The following GPHN variants were observed in gnomAD, a reference collection of about 807,000 sequenced individuals.
GPHN encodes the protein gephyrin.
A neutral mutation model predicts 95.5 loss-of-function variants in GPHN; 17 were observed. That is an observed-to-expected ratio of 0.18 (90% CI 0.12 to 0.27). The LOEUF (loss-of-function observed/expected upper bound fraction) is 0.27, where lower values mean the gene tolerates loss of function less well. Among genes scored for constraint, GPHN ranks in the 10% least tolerant of loss-of-function variants. The probability of loss-of-function intolerance (pLI) is 1.00; values close to 1 mark genes in which losing one functional copy is unlikely to be tolerated. For synonymous variants in GPHN, 320 were observed against 322.5 expected (o/e 0.99, Z 0.08); for missense variants, 660 against 978.1 (o/e 0.67, Z 4.34).
At chr14:66,675,777 G>C (rs886239455) in intron 1 of GPHN, among the ~76,000 whole-genome samples, 1 of 152,012 alleles carries the variant, frequency 6.6e-6, no homozygotes, top group Non-Finnish European at 1.5e-5. Context: ...ATTTTGAGTT[G>C]ATTTTTGTGG....
In GPHN at chr14:66,774,164, G is replaced by A. The variant is rs370394706; in HGVS notation, c.144-2300G>A. Among the ~76,000 whole-genome samples, 84 of 151,436 alleles carry A rather than the reference G, an allele frequency of 5.5e-4. 3 individuals carry two copies. In the East Asian group the frequency reaches 0.015, roughly 27 times the overall value. On this transcript the variant is annotated intron_variant, in intron 2 of 22. Transcript: ENST00000478722. ...ACTGCAGGCGCCCACCACCACACCC[G>A]GCTACTTTTTTGTATTTTTAGTAGA... is the stretch of plus-strand genomic sequence containing the variant.
At chr14:67,513,910 G>C in the GPHN span, among the ~76,000 whole-genome samples, 1 of 152,222 alleles carries the variant, frequency 6.6e-6, no homozygotes, top group Non-Finnish European at 1.5e-5. Context: ...CTGGGGACCT[G>C]GAACCTGGCC....
At position 67,161,545 on chromosome 14, in the gene GPHN, G is replaced by A. The variant is rs572317014; in HGVS notation, c.1910+2057G>A. Among the ~76,000 whole-genome samples the A allele has an allele frequency of 2.7e-4, 41 of 152,178 alleles. No homozygotes were observed. In the South Asian group the frequency reaches 8.3e-3, roughly 31 times the overall value. On this transcript the variant is annotated intron_variant, in intron 19 of 22. Transcript: ENST00000478722. Reference sequence around the variant, plus strand: ...GGGAGGCCGTGGGGGTGGTTCGCTTGAGCCCGGAAGTTGGAGACCAACCTG... The same window carrying A: ...GGGAGGCCGTGGGGGTGGTTCGCTTAAGCCCGGAAGTTGGAGACCAACCTG...
chr14:66,939,875 C>T (rs577802775), intron 8 of GPHN, among the ~76,000 whole-genome samples: 2 of 152,280 alleles, frequency 1.3e-5, no homozygotes, highest in Admixed American at 1.3e-4. Flanking sequence ...CCTCCAGTTG[C>T]ATGACCGTTT....
the GPHN span, among the ~76,000 whole-genome samples, chr14:67,212,621 T>G: frequency 6.9e-6 from 1 of 145,308 alleles, no homozygotes; most frequent in Non-Finnish European, 1.5e-5. Context: ...ATATGTAATA[T>G]ATATTATATA....
chr14:67,342,564 T>TC, the GPHN span, among the ~76,000 whole-genome samples: 1 of 151,244 alleles, frequency 6.6e-6, no homozygotes, highest in Non-Finnish European at 1.5e-5. Flanking sequence ...ATCCTTTTTT[T>TC]TTTTTTTTTC....
At chr14:66,628,253 G>A (rs915057015) in intron 1 of GPHN, among the ~76,000 whole-genome samples, 2 of 152,134 alleles carry the variant, frequency 1.3e-5, no homozygotes, top group African/African-American at 4.8e-5. Context: ...GATGTGTTCT[G>A]AGAAATGCAT....
intron 10 of GPHN, among the ~76,000 whole-genome samples, chr14:67,058,212 C>T (rs1310817516): frequency 6.6e-6 from 1 of 152,092 alleles, no homozygotes; most frequent in East Asian, 1.9e-4. Context: ...AGTGTTCACC[C>T]ACAATTTGAA....
At chr14:67,689,534 C>T in the GPHN span, among the ~76,000 whole-genome samples, 1 of 152,158 alleles carries the variant, frequency 6.6e-6, no homozygotes, top group African/African-American at 2.4e-5. Context: ...TCAGGTCCTT[C>T]CCTCATACTC....
the GPHN span, among the ~76,000 whole-genome samples, chr14:67,662,189 A>C: frequency 6.6e-6 from 1 of 152,182 alleles, no homozygotes; most frequent in Admixed American, 6.5e-5. Context: ...CAAAAAAAAA[A>C]ACAACAGATT....
chr14:66,968,848 A>T (rs2069531573), intron 9 of GPHN, among the ~76,000 whole-genome samples: 1 of 152,158 alleles, frequency 6.6e-6, no homozygotes, highest in African/African-American at 2.4e-5. Flanking sequence ...AGCATAATAA[A>T]TTCTAGAATT....
intron 17 of GPHN, among the ~76,000 whole-genome samples, chr14:67,131,515 A>G (rs1803727467): frequency 6.6e-6 from 1 of 152,184 alleles, no homozygotes; most frequent in Non-Finnish European, 1.5e-5. Context: ...AAGTAAGTCC[A>G]AAAGCCTTGA....
chr14:67,398,185 A>G, the GPHN span: 1 of 168,362 alleles, frequency 5.9e-6, no homozygotes, highest in Non-Finnish European at 1.3e-5. Context: ...TTTTAAAAAA[A>G]TTAAGATTAT....
the GPHN span, chr14:67,615,782 G>A: frequency 1.9e-6 from 1 of 526,224 alleles, no homozygotes; most frequent in Non-Finnish European, 3.6e-6. Context: ...GTCTCCTTCA[G>A]CCTTTTTCTT....
chr14:67,203,529 C>T, the GPHN span, among the ~76,000 whole-genome samples: 1 of 152,170 alleles, frequency 6.6e-6, no homozygotes, highest in Admixed American at 6.5e-5. Context: ...ACTGAAGACT[C>T]ATAATAAACT....
chr14:66,976,180 G>T (rs1426837592), intron 9 of GPHN, among the ~76,000 whole-genome samples: 2 of 152,076 alleles, frequency 1.3e-5, no homozygotes, highest in African/African-American at 4.8e-5. Flanking sequence ...TTTACATTTA[G>T]GTAAAGCTTG....
At chr14:67,396,732 C>G in the GPHN span, among the ~76,000 whole-genome samples, 2 of 152,242 alleles carry the variant, frequency 1.3e-5, no homozygotes, top group Non-Finnish European at 2.9e-5. Flanking sequence ...CCTGAAATAT[C>G]TTTTTCCTCT....
At chr14:67,120,426 C>T (rs913268763) in intron 16 of GPHN, among the ~76,000 whole-genome samples, 12 of 152,072 alleles carry the variant, frequency 7.9e-5, no homozygotes, top group African/African-American at 1.4e-4. Context: ...CACTGTAAAT[C>T]CCACACCCTC....
chr14:66,966,167 AT>A (rs952293442), intron 9 of GPHN, among the ~76,000 whole-genome samples: 1 of 152,098 alleles, frequency 6.6e-6, no homozygotes, highest in African/African-American at 2.4e-5. Context: ...CTGACAGTTA[AT>A]TTTTCAAATT....
Sources: allele counts gnomAD v4.1 joint callset (sites outside exome capture counted in the v4.1 genomes callset), GRCh38; gene constraint gnomAD v4.1.1; transcripts MANE v1.5; gene names NCBI Gene and HGNC (gene_info 2026-07-23, HGNC 2026-07-21).